PSMA3: variants seen among roughly 807,000 people sequenced by gnomAD.
PSMA3 encodes proteasome subunit alpha type-3.
A neutral mutation model predicts 40.0 loss-of-function variants in PSMA3; 8 were observed. That is an observed-to-expected ratio of 0.20 (90% confidence interval 0.12 to 0.36). The LOEUF (loss-of-function observed/expected upper bound fraction) is 0.36. Ranked by LOEUF, PSMA3 falls within the 10% of genes least tolerant of loss-of-function variation. The pLI is 1.00. For synonymous variants in PSMA3, 110 were observed against 100.0 expected (o/e 1.10, Z -0.59); for missense variants, 219 against 310.6 (o/e 0.70, Z 2.22).
At chr14:58,271,220 T>C (rs899134446) in intron 10 of PSMA3, among the ~76,000 whole-genome samples, 2 of 149,966 alleles carry the variant, frequency 1.3e-5, no homozygotes, top group African/African-American at 2.5e-5. Flanking sequence ...AGAAATTTTC[T>C]AGGTTATCTC....
chr14:58,261,947 G>A (rs938456872), intron 6 of PSMA3, among the ~76,000 whole-genome samples: 1 of 151,992 alleles, frequency 6.6e-6, no homozygotes, highest in African/African-American at 2.4e-5. Flanking sequence ...TTATTTATAA[G>A]ATGGAGTGTC....
At chr14:58,260,817 GTACT>G (rs1248782052) in intron 5 of PSMA3, 127 bp from the exon 6 acceptor site, 12 of 545,834 alleles carry the variant, frequency 2.2e-5, no homozygotes, top group African/African-American at 1.2e-4. Context: ...CTGTTTCAAA[GTACT>G]TACTGAGTTA....
chr14:58,259,471 C>T (rs988658007), intron 5 of PSMA3, among the ~76,000 whole-genome samples: 2 of 152,102 alleles, frequency 1.3e-5, no homozygotes, highest in Admixed American at 6.6e-5. Context: ...CCTGCCACCA[C>T]GCCCGGCTAA....
At chr14:58,271,169 TTTC>T (rs1039455900) in intron 10 of PSMA3, among the ~76,000 whole-genome samples, 171 bp downstream of exon 10, 12 of 151,790 alleles carry the variant, frequency 7.9e-5, no homozygotes, top group Non-Finnish European at 1.5e-4. Flanking sequence ...ACTGGGGTGG[TTTC>T]TATGAAATAA....
chr14:58,271,324 G>GTTT (rs1437536672), intron 10 of PSMA3, among the ~76,000 whole-genome samples: 1 of 102,926 alleles, frequency 9.7e-6, no homozygotes, highest in African/African-American at 3.8e-5. Flanking sequence ...TTAAATATTT[G>GTTT]TTCTTTTTTT....
intron 3 of PSMA3, among the ~76,000 whole-genome samples, chr14:58,253,184 C>T (rs1325404836): frequency 6.6e-6 from 1 of 152,090 alleles, no homozygotes; most frequent in East Asian, 1.9e-4. Flanking sequence ...AGGGTTTCAC[C>T]ATGTTGGCCA....
chr14:58,247,071 A>G (rs530860461), intron 1 of PSMA3, among the ~76,000 whole-genome samples: 2 of 152,244 alleles, frequency 1.3e-5, no homozygotes, highest in African/African-American at 4.8e-5. Flanking sequence ...CCTTATTTCT[A>G]CCCTAAGATC....
At chr14:58,262,152 C>T (rs1205097398) in intron 6 of PSMA3, among the ~76,000 whole-genome samples, 1 of 152,152 alleles carries the variant, frequency 6.6e-6, no homozygotes, top group African/African-American at 2.4e-5. Flanking sequence ...TGGTCTCCAA[C>T]TCCTGACCTC....
At position 58,270,847 on chromosome 14, in the gene PSMA3, G is replaced by A. The variant is rs1457601950; in HGVS notation, c.659-87G>A. ...TTGCAACCTTAGGTGAGTCAGATAT[G>A]TGGATTGGGTAGATCCTATGGTATA... On this transcript the variant is annotated intron_variant, in intron 9 of 10. Coordinates refer to ENST00000216455, the MANE Select transcript of PSMA3 (RefSeq NM_002788.4). 8 of 1,121,960 alleles carry A rather than the reference G, an allele frequency of 7.1e-6. No homozygotes were observed. In the East Asian group the frequency reaches 7.3e-5, roughly 10 times the overall value. 69.5% of individuals were successfully genotyped at this position (1,121,960 alleles called of 1,614,324 possible).
intron 1 of PSMA3, chr14:58,245,227 C>T (rs1323939788): frequency 2.2e-6 from 1 of 444,860 alleles, no homozygotes; most frequent in Non-Finnish European, 4.1e-6. Context: ...TTTCTTCAGC[C>T]ACTTAGGGAA....
At chr14:58,271,562 G>T (rs188784494) in intron 10 of PSMA3, among the ~76,000 whole-genome samples, 1 of 151,942 alleles carries the variant, frequency 6.6e-6, no homozygotes, top group African/African-American at 2.4e-5. Context: ...TCAAACTCTT[G>T]AACTCACGTG....
At chr14:58,270,107 AAG>A in intron 8 of PSMA3, 2 of 217,682 alleles carry the variant, frequency 9.2e-6, no homozygotes, top group South Asian at 1.5e-4. Context: ...TGGTCTCCCA[AAG>A]TGTTGGGATT....
intron 8 of PSMA3, 171 bp from the exon 9 acceptor site, chr14:58,270,247 C>A: frequency 1.1e-6 from 1 of 899,906 alleles, no homozygotes; most frequent in Non-Finnish European, 1.6e-6. Flanking sequence ...TTATTTCAGT[C>A]CCTGTGTAAT....
Position 58,254,340 on chromosome 14 carries a change from A to ATATATATATATATATATATATATATATG in PSMA3, c.228+2101_228+2102insATATATATATATATATATATATATGTAT. On this transcript the variant is annotated intron_variant, in intron 3 of 10. Coordinates refer to ENST00000216455, the MANE Select transcript of PSMA3 (RefSeq NM_002788.4). ...TGAAAAAAATTATGCATGCATATATATATGTATGTACACACACACAGAGGT... is the reference window on the plus strand; with the variant it reads ...TGAAAAAAATTATGCATGCATATATATATATATATATATATATATATATATATGTATGTATGTACACACACACAGAGGT... Among the ~76,000 whole-genome samples the ATATATATATATATATATATATATATATG allele has an allele frequency of 2.4e-3, 84 of 34,800 alleles. 3 individuals are homozygous for ATATATATATATATATATATATATATATG. The highest frequency in any genetic ancestry group is 6.2e-3 in the African/African-American group (64 of 10,386). 22.8% of individuals were successfully genotyped at this position (34,800 alleles called of 152,430 possible).
chr14:58,254,466 T>C (rs1890100104), intron 3 of PSMA3, among the ~76,000 whole-genome samples: 1 of 150,502 alleles, frequency 6.6e-6, no homozygotes. Flanking sequence ...GCCTCCCAAA[T>C]AGCTGTGACT....
intron 5 of PSMA3, among the ~76,000 whole-genome samples, chr14:58,260,075 G>C (rs1394809160): frequency 6.6e-6 from 1 of 152,214 alleles, no homozygotes; most frequent in East Asian, 1.9e-4. Flanking sequence ...AAGATGATGT[G>C]TAAGATGCTG....
chr14:58,253,965 T>TTTG (rs1038742817), intron 3 of PSMA3, among the ~76,000 whole-genome samples: 11 of 152,000 alleles, frequency 7.2e-5, no homozygotes, highest in Non-Finnish European at 8.8e-5. Context: ...TTACTGTTTT[T>TTTG]TTGTTGTTGT....
chr14:58,245,907 A>G (rs1889870325), intron 1 of PSMA3, among the ~76,000 whole-genome samples: 1 of 152,260 alleles, frequency 6.6e-6, no homozygotes, highest in Non-Finnish European at 1.5e-5. Context: ...TATGAATGCT[A>G]AAGTTCTGCC....
intron 7 of PSMA3, among the ~76,000 whole-genome samples, chr14:58,264,094 G>C (rs1169298477): frequency 6.6e-6 from 1 of 152,156 alleles, no homozygotes; most frequent in African/African-American, 2.4e-5. Context: ...TATCTGTAGA[G>C]TTGTGTTATA....
Sources: allele counts gnomAD v4.1 joint callset (sites outside exome capture counted in the v4.1 genomes callset), GRCh38; gene constraint gnomAD v4.1.1; transcripts MANE v1.5; gene names NCBI Gene and HGNC (gene_info 2026-07-23, HGNC 2026-07-21).